Variants in ZNF326 observed in about 807,000 individuals in gnomAD.
ZNF326 encodes the protein DBIRD complex subunit ZNF326.
ZNF326 carries 30 observed loss-of-function variants against 63.1 expected under a neutral mutation model. That is an observed-to-expected ratio of 0.48 (90% CI 0.36 to 0.64). The LOEUF is 0.64. ZNF326 is among the 30% of genes least tolerant of loss of function. The pLI is 0.00. For synonymous variants in ZNF326, 194 were observed against 228.2 expected (o/e 0.85, Z 1.35); for missense variants, 609 against 720.3 (o/e 0.85, Z 1.77).
At chr1:90,005,282 C>G (rs1326753927) in intron 4 of ZNF326, 38 bp downstream of exon 4, 1 of 1,594,828 alleles carries the variant, frequency 6.3e-7, no homozygotes, top group East Asian at 2.2e-5. Context: ...AATTAGACAA[C>G]TATAAGATTT....
chr1:89,998,644 C>T (rs1488724346), intron 2 of ZNF326, among the ~76,000 whole-genome samples: 1 of 152,080 alleles, frequency 6.6e-6, no homozygotes, highest in African/African-American at 2.4e-5. Context: ...TGTTTATTGA[C>T]ATGAGCATGA....
Position 90,007,794 on chromosome 1 carries a change from CTT to C in ZNF326, c.615+47_615+48del. Reference sequence around the variant, plus strand: ...TTTCAGATTCTTTTCACTAGTCACTCTTTTAAACCCTTTCAAGACCATCGTTT... The same window carrying C: ...TTTCAGATTCTTTTCACTAGTCACTCTTAAACCCTTTCAAGACCATCGTTT... On this transcript the variant is annotated intron_variant, in intron 5 of 11. Coordinates refer to ENST00000340281, the MANE Select transcript of ZNF326 (RefSeq NM_182976.4). This position sits in a 1 kb window ranked among gnomAD's most constrained non-coding sequence, Gnocchi z 4.9. 6.9e-7 allele frequency: 1 copy of C among 1,449,118 alleles called. No homozygotes were observed. The allele number at this position is 1,449,118 out of a possible 1,614,324, so 89.8% of individuals were successfully genotyped here.
chr1:90,013,360 A>C (rs1649345979), intron 7 of ZNF326, 123 bp downstream of exon 7: 2 of 728,806 alleles, frequency 2.7e-6, no homozygotes, highest in Non-Finnish European at 2.0e-6. Context: ...TCAAAGATAC[A>C]GAGGAATGCT....
At chr1:90,023,349 T>G (rs1649862612) in intron 11 of ZNF326, among the ~76,000 whole-genome samples, 1 of 152,228 alleles carries the variant, frequency 6.6e-6, no homozygotes, top group Admixed American at 6.5e-5. Flanking sequence ...TAAAGAAGTT[T>G]TGTTTATTTT....
intron 2 of ZNF326, among the ~76,000 whole-genome samples, chr1:89,998,915 A>G (rs1031084675): frequency 2.0e-5 from 3 of 152,246 alleles, no homozygotes; most frequent in African/African-American, 4.8e-5. Flanking sequence ...GCAAATGTAT[A>G]CTAAAGACTA....
intron 6 of ZNF326, among the ~76,000 whole-genome samples, chr1:90,012,875 T>C (rs989677391): frequency 6.6e-6 from 1 of 152,126 alleles, no homozygotes; most frequent in Non-Finnish European, 1.5e-5. Flanking sequence ...AAGAAAAATA[T>C]GTAGCAAATA....
chr1:89,995,418 G>T lies in ZNF326; in HGVS notation c.16+145G>T, dbSNP rs755701367. 1.5e-3 allele frequency: 1,686 copies of T among 1,161,000 alleles called. 1 individual carries two copies. Among genetic ancestry groups the T allele is most frequent in the Non-Finnish European group, 1.8e-3 (1,594 of 875,788 alleles). 71.9% of individuals were successfully genotyped at this position (1,161,000 alleles called of 1,614,324 possible). The stretch of plus-strand genomic sequence containing the variant: ...CCGCCCGCCCCGGGCCCAGCGCCCG[G>T]AGTCGGCCTCTTTGGGGACCCACGC... On this transcript the variant is annotated intron_variant, in intron 1 of 11. Coordinates refer to ENST00000340281, the MANE Select transcript of ZNF326 (RefSeq NM_182976.4).
chr1:90,002,955 C>T (rs916861097), intron 2 of ZNF326, among the ~76,000 whole-genome samples: 5 of 152,052 alleles, frequency 3.3e-5, no homozygotes, highest in African/African-American at 9.7e-5. Context: ...AAATCATATT[C>T]AGTGATACCA....
intron 7 of ZNF326, among the ~76,000 whole-genome samples, chr1:90,014,598 G>A (rs1165186209): frequency 1.3e-5 from 2 of 152,300 alleles, no homozygotes; most frequent in South Asian, 4.1e-4. Flanking sequence ...CAATTTAGCA[G>A]TTTTTTAAAA....
In ZNF326 at chr1:90,030,439, A is replaced by G. The variant is rs971535078; in HGVS notation, c.*2738A>G. 6.6e-6 allele frequency: 1 copy of G among 151,938 alleles called. No individual in the cohort carries two copies. The highest frequency in any genetic ancestry group is 1.5e-5 in the Non-Finnish European group (1 of 68,042). 9.4% of individuals were successfully genotyped at this position (151,938 alleles called of 1,614,324 possible). On this transcript the variant is annotated 3_prime_UTR_variant, in exon 12 of 12. Transcript: ENST00000340281. ...ATATCATATACCATTCTTACCAGCC[A>G]TAATGGCCTTTTGTTACTTTTTTGA... is the stretch of plus-strand genomic sequence containing the variant.
At chr1:90,017,116 A>G (rs1253499839) in intron 7 of ZNF326, among the ~76,000 whole-genome samples, 1 of 152,244 alleles carries the variant, frequency 6.6e-6, no homozygotes, top group East Asian at 1.9e-4. Context: ...TGGGCTAGAA[A>G]TGCAAAGTGG....
In ZNF326 at chr1:90,030,836, T is replaced by C. The variant is rs939983718; in HGVS notation, c.*3135T>C. The C allele has an allele frequency of 6.6e-6, 1 of 152,206 alleles. No individual in the cohort carries two copies. Among genetic ancestry groups the C allele is most frequent in the Non-Finnish European group, 1.5e-5 (1 of 68,098 alleles). 9.4% of individuals were successfully genotyped at this position (152,206 alleles called of 1,614,324 possible). A position where few individuals can be genotyped will look rare whatever the true frequency, so the allele number is the denominator to read the frequency against. On this transcript the variant is annotated 3_prime_UTR_variant, in exon 12 of 12. Transcript: ENST00000340281. ...GTGCACCATCACACTCAGCTAATAT[T>C]TTTTTTGTAGAGATGGGGTCTTGCT...
rs748644328 is a variant in ZNF326 at position 89,998,162 on chromosome 1, T to A, written c.61+8T>A. The A allele has an allele frequency of 1.9e-6, 3 of 1,612,944 alleles. No individual in the cohort carries two copies. The highest frequency in any genetic ancestry group is 1.7e-6 in the Non-Finnish European group (2 of 1,179,720). On this transcript the variant is annotated splice_region_variant and intron_variant, in intron 2 of 11. Transcript: ENST00000340281. Reference sequence around the variant, plus strand: ...CTTATCAGGGCTTTAATGGTAAGTATCCTCTTTCAGCTTTTCTCTTCATGC... The same window carrying A: ...CTTATCAGGGCTTTAATGGTAAGTAACCTCTTTCAGCTTTTCTCTTCATGC...
intron 5 of ZNF326, among the ~76,000 whole-genome samples, chr1:90,009,806 T>C (rs975441822): frequency 1.8e-4 from 27 of 152,172 alleles, no homozygotes; most frequent in African/African-American, 6.5e-4. Flanking sequence ...ATATGTTGTC[T>C]ATAATCTCAA....
At chr1:90,019,020 A>G (rs1157409569) in intron 9 of ZNF326, among the ~76,000 whole-genome samples, 2 of 152,162 alleles carry the variant, frequency 1.3e-5, no homozygotes. Flanking sequence ...CTTTTCCTCT[A>G]GATGAAAGAT....
chr1:90,010,318 G>A (rs12140948), intron 6 of ZNF326, 32 bp downstream of exon 6: 33,701 of 1,586,782 alleles, frequency 0.021, 448 homozygotes, highest in Middle Eastern at 0.046. Context: ...CTATGATTCA[G>A]GATACTTTTT....
chr1:90,022,142 A>ATT (rs1649800069), intron 10 of ZNF326, 108 bp from the exon 11 acceptor site: 1 of 774,024 alleles, frequency 1.3e-6, no homozygotes, highest in Admixed American at 2.4e-5. Flanking sequence ...TTGTAAGAAG[A>ATT]TAAGTCATTT....
At chr1:90,027,239 A>G in intron 11 of ZNF326, 115 bp from the exon 12 acceptor site, 5 of 941,062 alleles carry the variant, frequency 5.3e-6, no homozygotes, top group Admixed American at 4.8e-5. Flanking sequence ...ATAATTTACA[A>G]TGAAAAGTTT....
chr1:90,006,889 A>G (rs1266448424), intron 4 of ZNF326, among the ~76,000 whole-genome samples: 1 of 152,222 alleles, frequency 6.6e-6, no homozygotes, highest in African/African-American at 2.4e-5. Flanking sequence ...CTGTGTCACA[A>G]ATAACCTACA....
Sources: allele counts gnomAD v4.1 joint callset (sites outside exome capture counted in the v4.1 genomes callset), GRCh38; gene constraint gnomAD v4.1.1; non-coding constraint Gnocchi (gnomAD v3.1); transcripts MANE v1.5; gene names NCBI Gene and HGNC (gene_info 2026-07-23, HGNC 2026-07-21).